FARS2: variants seen among roughly 807,000 people sequenced by gnomAD.
FARS2 encodes phenylalanine--tRNA ligase, mitochondrial.
FARS2 carries 40 observed loss-of-function variants against 46.4 expected under a neutral mutation model. The ratio of observed to expected loss-of-function variants is 0.86; its 90% CI spans 0.67 to 1.12. FARS2 has a LOEUF of 1.12. FARS2 is among the 50% of genes most tolerant of loss of function. The probability of loss-of-function intolerance (pLI) is 0.00; values close to 1 mark genes in which losing one functional copy is unlikely to be tolerated. For synonymous variants in FARS2, 234 were observed against 214.9 expected, an observed-to-expected ratio of 1.09 and a Z score of -0.78; for missense variants, 513 against 567.9, an observed-to-expected ratio of 0.90 and a Z score of 0.98.
In FARS2 at chr6:5,405,477, G is replaced by GTTCTTTTT. The variant is rs1554181326; in HGVS notation, c.772+779_772+786dup. 2.1e-3 allele frequency among the ~76,000 whole-genome samples: 200 copies of GTTCTTTTT among 93,172 alleles called. 3 individuals are homozygous for GTTCTTTTT. The highest frequency in any genetic ancestry group is 6.0e-3 in the Middle Eastern group (1 of 166). The allele number at this position is 93,172 out of a possible 152,430, so 61.1% of individuals were successfully genotyped here. A position where few individuals can be genotyped will look rare whatever the true frequency, so the allele number is the denominator to read the frequency against. Reference sequence around the variant, plus strand: ...ATGAGGACGTGATCAGTGGAGCAAGGTTCTTTTTTTTTTTTTTTTTTTTTT... The same window carrying GTTCTTTTT: ...ATGAGGACGTGATCAGTGGAGCAAGGTTCTTTTTTTCTTTTTTTTTTTTTTTTTTTTTT... On this transcript the variant is annotated intron_variant, in intron 3 of 6. Coordinates refer to ENST00000274680, the MANE Select transcript of FARS2 (RefSeq NM_006567.5).
intron 1 of FARS2, among the ~76,000 whole-genome samples, chr6:5,305,962 A>G (rs1051098076): frequency 1.3e-5 from 2 of 152,170 alleles, no homozygotes; most frequent in Non-Finnish European, 1.5e-5. Flanking sequence ...CCTTATCTCC[A>G]GTTTGGAATA....
In FARS2 at chr6:5,576,437, G is replaced by A. The variant is rs1313832707; in HGVS notation, c.1065+31097G>A. 3.3e-5 allele frequency among the ~76,000 whole-genome samples: 5 copies of A among 151,990 alleles called. No homozygotes were observed. The South Asian group carries it at 8.3e-4, about 25-fold the overall frequency. On this transcript the variant is annotated intron_variant, in intron 5 of 6. Transcript: ENST00000274680. ...CCTGCTCTCAAACATCAGACTCCAAGTTCTACAGTTTTGGCACTCGTACTG... is the reference window on the plus strand; with the variant it reads ...CCTGCTCTCAAACATCAGACTCCAAATTCTACAGTTTTGGCACTCGTACTG...
chr6:5,284,598 C>G (rs944191926), intron 1 of FARS2, among the ~76,000 whole-genome samples: 1 of 152,164 alleles, frequency 6.6e-6, no homozygotes, highest in African/African-American at 2.4e-5. Context: ...TGTTATTTAT[C>G]ACTGGAACTA....
intron 6 of FARS2, among the ~76,000 whole-genome samples, chr6:5,686,994 T>C (rs563563041): frequency 6.6e-6 from 1 of 152,250 alleles, no homozygotes; most frequent in African/African-American, 2.4e-5. Flanking sequence ...GCTGCATAGA[T>C]GTCTTCTTTT....
intron 4 of FARS2, among the ~76,000 whole-genome samples, chr6:5,482,204 C>T (rs1386867326): frequency 2.6e-5 from 4 of 152,118 alleles, no homozygotes; most frequent in African/African-American, 9.7e-5. Flanking sequence ...AGCACAATCC[C>T]TCCTCACATT....
chr6:5,687,176 T>C lies in FARS2; in HGVS notation c.1217+73856T>C, dbSNP rs550904362. On this transcript the variant is annotated intron_variant, in intron 6 of 6. Coordinates refer to ENST00000274680, the MANE Select transcript of FARS2 (RefSeq NM_006567.5). ...CTGTTCATTCTGATGGTAGTTTCTTTTGCTGTGCAGAAGCTCTTTAGTTTA... is the reference window on the plus strand; with the variant it reads ...CTGTTCATTCTGATGGTAGTTTCTTCTGCTGTGCAGAAGCTCTTTAGTTTA... Among the ~76,000 whole-genome samples, 403 of 152,328 alleles carry C rather than the reference T, an allele frequency of 2.6e-3. 1 individual carries two copies. The highest frequency in any genetic ancestry group is 9.1e-3 in the African/African-American group (379 of 41,576).
intron 2 of FARS2, among the ~76,000 whole-genome samples, chr6:5,399,554 C>G (rs1215891198): frequency 6.6e-6 from 1 of 152,134 alleles, no homozygotes. Context: ...TCATGACCCC[C>G]ACTCTGCCAT....
intron 1 of FARS2, among the ~76,000 whole-genome samples, chr6:5,287,745 C>T (rs1767223641): frequency 6.6e-6 from 1 of 152,178 alleles, no homozygotes; most frequent in African/African-American, 2.4e-5. Context: ...CACCCTCTTC[C>T]AGAAAAACAC....
At chr6:5,312,131 C>A (rs1769120137) in intron 1 of FARS2, among the ~76,000 whole-genome samples, 1 of 152,122 alleles carries the variant, frequency 6.6e-6, no homozygotes, top group Non-Finnish European at 1.5e-5. Flanking sequence ...TAACTTGGGA[C>A]CATCTTCTGA....
At chr6:5,337,180 T>G (rs1771221264) in intron 1 of FARS2, among the ~76,000 whole-genome samples, 1 of 145,834 alleles carries the variant, frequency 6.9e-6, no homozygotes, top group Non-Finnish European at 1.5e-5. Context: ...TAAATATATA[T>G]GTAATATGTA....
intron 1 of FARS2, among the ~76,000 whole-genome samples, chr6:5,272,660 G>A (rs1262119510): frequency 6.6e-6 from 1 of 152,062 alleles, no homozygotes; most frequent in African/African-American, 2.4e-5. Context: ...CTTTATGCTA[G>A]AAACATTCAA....
rs193121771 is a variant in FARS2, at chr6:5,719,870, T to A, written c.1218-51421T>A. Among the ~76,000 whole-genome samples the A allele has an allele frequency of 6.6e-5, 10 of 152,356 alleles. 1 individual carries two copies. The East Asian group carries it at 1.7e-3, about 26-fold the overall frequency. On this transcript the variant is annotated intron_variant, in intron 6 of 6. Coordinates refer to ENST00000274680, the MANE Select transcript of FARS2 (RefSeq NM_006567.5). ...GTAAAGCATAGTGTTTGCTTAAACTTGAGACAGCTTGCAATGTGGCTTCCG... is the reference window on the plus strand; with the variant it reads ...GTAAAGCATAGTGTTTGCTTAAACTAGAGACAGCTTGCAATGTGGCTTCCG...
intron 6 of FARS2, among the ~76,000 whole-genome samples, chr6:5,647,828 T>G (rs891134124): frequency 6.6e-6 from 1 of 152,156 alleles, no homozygotes; most frequent in Non-Finnish European, 1.5e-5. Context: ...TTCTAAATCC[T>G]CCTCCTTTTT....
At chr6:5,405,976 C>T (rs1761569423) in intron 3 of FARS2, among the ~76,000 whole-genome samples, 1 of 152,144 alleles carries the variant, frequency 6.6e-6, no homozygotes, top group African/African-American at 2.4e-5. Flanking sequence ...AGTCACTTGC[C>T]TTTATTTTTC....
chr6:5,671,142 A>G (rs1778434835), intron 6 of FARS2, among the ~76,000 whole-genome samples: 2 of 152,242 alleles, frequency 1.3e-5, no homozygotes, highest in Admixed American at 6.5e-5. Flanking sequence ...GTTGGAGTTA[A>G]ATATAATTCA....
chr6:5,353,037 A>G (rs1209117114), intron 1 of FARS2, among the ~76,000 whole-genome samples: 1 of 152,168 alleles, frequency 6.6e-6, no homozygotes, highest in South Asian at 2.1e-4. Context: ...GTGGCCCTGT[A>G]CATGTTAACC....
At chr6:5,392,869 T>G (rs1760639238) in intron 2 of FARS2, among the ~76,000 whole-genome samples, 1 of 147,230 alleles carries the variant, frequency 6.8e-6, no homozygotes, top group South Asian at 2.1e-4. Flanking sequence ...TGTGTATATA[T>G]TATATATATG....
chr6:5,393,642 C>A (rs1025245427), intron 2 of FARS2, among the ~76,000 whole-genome samples: 18 of 151,696 alleles, frequency 1.2e-4, no homozygotes, highest in African/African-American at 4.4e-4. Flanking sequence ...GGTGACAGAC[C>A]GAGACTCCAC....
At chr6:5,431,248 T>C in intron 4 of FARS2, 76 bp downstream of exon 4, 1 of 1,438,224 alleles carries the variant, frequency 7.0e-7, no homozygotes, top group African/African-American at 1.4e-5. Context: ...CGTTGCACAC[T>C]TGTAGATATT....
Sources: gnomAD v4.1 joint callset for allele counts (sites outside exome capture counted in the v4.1 genomes callset) on GRCh38, gnomAD v4.1.1 for gene constraint, MANE v1.5 for transcripts, NCBI Gene and HGNC (gene_info 2026-07-23, HGNC 2026-07-21) for gene names.